Variants in UBAP1L observed in about 807,000 individuals in gnomAD.
UBAP1L encodes ubiquitin associated protein 1 like, also known as ubiquitin-associated protein 1-like.
In UBAP1L, 32 loss-of-function variants were observed where a neutral mutation model predicts 32.1. The observed-to-expected ratio is 1.00, with a 90% CI of 0.75 to 1.34. The LOEUF (loss-of-function observed/expected upper bound fraction) is 1.34. UBAP1L is among the 40% of genes most tolerant of loss of function. The probability of loss-of-function intolerance (pLI) is 0.00; values close to 1 mark genes in which losing one functional copy is unlikely to be tolerated. For synonymous variants in UBAP1L, 243 were observed against 250.2 expected (o/e 0.97, Z 0.27); for missense variants, 516 against 540.5 (o/e 0.95, Z 0.45).
At chr15:65,106,523 C>A in intron 1 of UBAP1L, 135 bp from the exon 2 acceptor site, 3 of 238,584 alleles carry the variant, frequency 1.3e-5, no homozygotes, top group East Asian at 8.7e-5. Flanking sequence ...TGCATTTCAT[C>A]AAAATAATTG....
At position 65,102,459 on chromosome 15, in the gene UBAP1L, A is replaced by C; in HGVS notation, c.346T>G (p.Ser116Ala). 2 of 1,423,828 alleles carry C rather than the reference A, an allele frequency of 1.4e-6. No homozygotes were observed. The highest frequency in any genetic ancestry group is 1.8e-6 in the Non-Finnish European group (2 of 1,088,810). 88.2% of individuals were successfully genotyped at this position (1,423,828 alleles called of 1,614,324 possible). ...GCCGGCTCTTCCTCGCTGCCAGAGG[A>C]GGCTTCTGCCTCGTCCTCACCCTCC... ...EEEGEDEAEA[S>A]SGSEEEPAPS... Residue 116 changes from serine (S) to alanine (A), a missense_variant, in exon 3 of 6, where the codon TCC becomes GCC. By Grantham distance (99) the Ser-to-Ala change is moderately conservative. Coordinates refer to ENST00000559089, the MANE Select transcript of UBAP1L (RefSeq NM_001163692.2). The surrounding 1 kb of genome is among the most constrained non-coding windows in gnomAD (Gnocchi z 5.0).
At chr15:65,095,494 G>A (rs1203962072) in intron 4 of UBAP1L, 1 of 152,260 alleles carries the variant, frequency 6.6e-6, no homozygotes, top group Non-Finnish European at 1.5e-5. Flanking sequence ...CCAGCATGGT[G>A]GCAGAAGGAG....
intron 2 of UBAP1L, chr15:65,105,596 T>G (rs1020205835): frequency 2.1e-5 from 13 of 613,878 alleles, no homozygotes; most frequent in Non-Finnish European, 4.0e-5. Flanking sequence ...GAGGTTCAAA[T>G]TTTCGTGTTC....
chr15:65,103,767 G>C (rs2087271209), intron 2 of UBAP1L, among the ~76,000 whole-genome samples: 1 of 152,194 alleles, frequency 6.6e-6, no homozygotes, highest in East Asian at 1.9e-4. Flanking sequence ...GTTAGAGAAA[G>C]AGATTGGAGC....
chr15:65,110,912 G>A (rs1728541513), intron 1 of UBAP1L, among the ~76,000 whole-genome samples: 1 of 152,112 alleles, frequency 6.6e-6, no homozygotes, highest in Admixed American at 6.6e-5. Flanking sequence ...CCTGCTAGGG[G>A]TCACTACAGT....
chr15:65,102,391 G>A lies in UBAP1L; in HGVS notation c.414C>T (p.Pro138=). ...CGTCCAGCGAGCACAGGCGACGGCC[G>A]GGGCCGGGGCTCGCCGGGGAGCCCG... ...LQPGSPASPG[P]GRRLCSLDVL... The change falls in exon 3 of 6, where the codon CCC becomes CCT. Residue 138 remains proline, a synonymous_variant. Transcript: ENST00000559089. This position sits in a 1 kb window ranked among gnomAD's most constrained non-coding sequence, Gnocchi z 5.0. 7.0e-7 allele frequency: 1 copy of A among 1,436,862 alleles called. No individual in the cohort carries two copies. Among genetic ancestry groups the A allele is most frequent in the East Asian group, 2.8e-5 (1 of 35,178 alleles). 89.0% of individuals were successfully genotyped at this position (1,436,862 alleles called of 1,614,324 possible).
chr15:65,104,166 C>G (rs893492129), intron 2 of UBAP1L, among the ~76,000 whole-genome samples: 1 of 151,854 alleles, frequency 6.6e-6, no homozygotes, highest in Non-Finnish European at 1.5e-5. Context: ...GCAGGAGAAT[C>G]GCTTGAACCT....
At position 65,102,923 on chromosome 15, in the gene UBAP1L, C is replaced by T. The variant is rs1309671919; in HGVS notation, c.121-239G>A. ...GGCATAAATGACAAAGTGATGAATT[C>T]GTCAGTCGAATGAAATGTAATGAAA... On this transcript the variant is annotated intron_variant, in intron 2 of 5. Coordinates refer to ENST00000559089, the MANE Select transcript of UBAP1L (RefSeq NM_001163692.2). The surrounding 1 kb of genome is among the most constrained non-coding windows in gnomAD (Gnocchi z 5.0). Among the ~76,000 whole-genome samples the T allele has an allele frequency of 2.6e-5, 4 of 152,216 alleles. No individual in the cohort carries two copies. Among genetic ancestry groups the T allele is most frequent in the Non-Finnish European group, 5.9e-5 (4 of 68,036 alleles).
In UBAP1L at chr15:65,094,613, G is replaced by C; in HGVS notation, c.910-37C>G. On this transcript the variant is annotated intron_variant, in intron 4 of 5. Transcript: ENST00000559089. This position sits in a 1 kb window ranked among gnomAD's most constrained non-coding sequence, Gnocchi z 4.2. ...GCGGGCAGAGAGGGAGGGAGGGTAA[G>C]AGGAGCAGCCGGGGCAGCAGACAGG... The C allele has an allele frequency of 1.3e-6, 2 of 1,484,702 alleles. No homozygotes were observed. The highest frequency in any genetic ancestry group is 1.8e-6 in the Non-Finnish European group (2 of 1,087,588). 92.0% of individuals were successfully genotyped at this position (1,484,702 alleles called of 1,614,324 possible).
Position 65,092,914 on chromosome 15 carries a change from A to G in UBAP1L, c.*183T>C, listed in dbSNP as rs983073333. On this transcript the variant is annotated 3_prime_UTR_variant, in exon 6 of 6. Coordinates refer to ENST00000559089, the MANE Select transcript of UBAP1L (RefSeq NM_001163692.2). ...CTCCCATCTGCCCCTCTGCAGAGGCAACTATTTCAACTCTTTCAGCAGATT... is the reference window on the plus strand; with the variant it reads ...CTCCCATCTGCCCCTCTGCAGAGGCGACTATTTCAACTCTTTCAGCAGATT... 4.3e-5 allele frequency: 37 copies of G among 865,104 alleles called. No individual in the cohort carries two copies. The highest frequency in any genetic ancestry group is 1.3e-4 in the Admixed American group (4 of 30,258). 53.6% of individuals were successfully genotyped at this position (865,104 alleles called of 1,614,324 possible).
At chr15:65,110,395 T>C (rs1377731080) in intron 1 of UBAP1L, among the ~76,000 whole-genome samples, 1 of 140,388 alleles carries the variant, frequency 7.1e-6, no homozygotes, top group African/African-American at 2.7e-5. Context: ...AAAAAAAACT[T>C]GGCCGGGCGT....
At chr15:65,103,601 C>A (rs960109587) in intron 2 of UBAP1L, among the ~76,000 whole-genome samples, 2 of 152,166 alleles carry the variant, frequency 1.3e-5, no homozygotes, top group African/African-American at 4.8e-5. Flanking sequence ...ACACTTAGAT[C>A]ACAGGCACAG....
At chr15:65,100,202 C>T (rs1247421820) in intron 3 of UBAP1L, 2 of 152,174 alleles carry the variant, frequency 1.3e-5, no homozygotes, top group African/African-American at 4.8e-5. Flanking sequence ...AGAGATCGCA[C>T]CATTGCACTC....
At chr15:65,104,395 A>G (rs994005451) in intron 2 of UBAP1L, among the ~76,000 whole-genome samples, 2 of 152,206 alleles carry the variant, frequency 1.3e-5, no homozygotes, top group African/African-American at 4.8e-5. Flanking sequence ...AGACAAAAAC[A>G]TAAATAAGGA....
At chr15:65,112,051 C>T (rs980489445) in intron 1 of UBAP1L, among the ~76,000 whole-genome samples, 1 of 152,154 alleles carries the variant, frequency 6.6e-6, no homozygotes, top group Non-Finnish European at 1.5e-5. Flanking sequence ...CTAGGTACAA[C>T]ATGAGAGGTA....
At chr15:65,101,809 C>T (rs1245798523) in intron 3 of UBAP1L, among the ~76,000 whole-genome samples, 2 of 152,166 alleles carry the variant, frequency 1.3e-5, no homozygotes, top group Admixed American at 1.3e-4. Flanking sequence ...AGAGCTCAAC[C>T]TCGTTTAGAA....
At chr15:65,100,440 G>C (rs1263728179) in intron 3 of UBAP1L, 2 of 152,230 alleles carry the variant, frequency 1.3e-5, no homozygotes, top group Non-Finnish European at 2.9e-5. Flanking sequence ...GATGAGCAGG[G>C]GTAGGTCTTC....
chr15:65,098,426 G>C (rs2087202669), intron 4 of UBAP1L: 1 of 152,060 alleles, frequency 6.6e-6, no homozygotes, highest in Admixed American at 6.6e-5. Flanking sequence ...CTTGATCACT[G>C]GAACCTTCTT....
intron 2 of UBAP1L, among the ~76,000 whole-genome samples, chr15:65,104,367 A>G (rs1181343235): frequency 6.6e-6 from 1 of 152,126 alleles, no homozygotes; most frequent in African/African-American, 2.4e-5. Context: ...AAAGAAAAAG[A>G]AAAGCCAGAA....
Sources: allele counts gnomAD v4.1 joint callset (sites outside exome capture counted in the v4.1 genomes callset), GRCh38; gene constraint gnomAD v4.1.1; non-coding constraint Gnocchi (gnomAD v3.1); transcripts MANE v1.5; gene names NCBI Gene and HGNC (gene_info 2026-07-23, HGNC 2026-07-21).